MEGF10: variants seen among roughly 807,000 people sequenced by gnomAD.
MEGF10 encodes the protein multiple epidermal growth factor-like domains protein 10.
A neutral mutation model predicts 147.5 loss-of-function variants in MEGF10; 86 were observed. That is an observed-to-expected ratio of 0.58 (90% confidence interval 0.49 to 0.70). MEGF10 has a LOEUF of 0.70. Among genes scored for constraint, MEGF10 ranks in the 30% least tolerant of loss-of-function variants. MEGF10 has a pLI of 0.00. For synonymous variants in MEGF10, 478 were observed against 525.5 expected (o/e 0.91, Z 1.24); for missense variants, 1,329 against 1,487.3 (o/e 0.89, Z 1.75).
At chr5:127,353,719 T>C (rs1208117677) in intron 4 of MEGF10, among the ~76,000 whole-genome samples, 1 of 150,736 alleles carries the variant, frequency 6.6e-6, no homozygotes, top group Non-Finnish European at 1.5e-5. Flanking sequence ...GATGATTATT[T>C]TCTTTGGGGT....
Position 127,417,646 on chromosome 5 carries a change from C to T in MEGF10, c.1139C>T (p.Pro380Leu), listed in dbSNP as rs762994422. The change falls in exon 10 of 25, where the codon CCC (proline) becomes CTC (leucine). Residue 380 changes from proline to leucine, a missense_variant. By Grantham distance (98) the Pro-to-Leu change is moderately conservative (BLOSUM62 -3). Coordinates refer to ENST00000503335, the MANE Select transcript of MEGF10 (RefSeq NM_001256545.2). ...TCATCCATGTCTCTCAGCTGTCACCCCATGTCTGGAGAGTGTGCCTGCAAG... is the reference window on the plus strand; with the variant it reads ...TCATCCATGTCTCTCAGCTGTCACCTCATGTCTGGAGAGTGTGCCTGCAAG... Reference protein sequence around the residue: ...CHLENTHSCHPMSGECACKPG... With the variant: ...CHLENTHSCHLMSGECACKPG... 1 of 1,614,162 alleles carries T rather than the reference C, an allele frequency of 6.2e-7. No homozygotes were observed. The highest frequency in any genetic ancestry group is 8.5e-7 in the Non-Finnish European group (1 of 1,180,014).
Position 127,457,424 on chromosome 5 carries a change from T to C in MEGF10, c.*106T>C. ...TTCATGTGAATGTTAGTCAATTCGGTGGGCAATTTTTGGACATGAACCAGA... is the reference window on the plus strand; with the variant it reads ...TTCATGTGAATGTTAGTCAATTCGGCGGGCAATTTTTGGACATGAACCAGA... On this transcript the variant is annotated 3_prime_UTR_variant, in exon 25 of 25. Coordinates refer to ENST00000503335, the MANE Select transcript of MEGF10 (RefSeq NM_001256545.2). 1.6e-6 allele frequency: 2 copies of C among 1,280,940 alleles called. No individual in the cohort carries two copies. The highest frequency in any genetic ancestry group is 2.1e-6 in the Non-Finnish European group (2 of 952,842). 79.3% of individuals were successfully genotyped at this position (1,280,940 alleles called of 1,614,324 possible). A position where few individuals can be genotyped will look rare whatever the true frequency, so the allele number is the denominator to read the frequency against.
At chr5:127,312,947 C>T (rs1246078700) in intron 1 of MEGF10, among the ~76,000 whole-genome samples, 1 of 152,090 alleles carries the variant, frequency 6.6e-6, no homozygotes, top group Non-Finnish European at 1.5e-5. Flanking sequence ...TTGATTGTGG[C>T]AGTTTCTAAG....
chr5:127,351,711 A>G (rs1238158518), intron 4 of MEGF10, among the ~76,000 whole-genome samples: 1 of 152,202 alleles, frequency 6.6e-6, no homozygotes, highest in Non-Finnish European at 1.5e-5. Context: ...TCGCCAAGCT[A>G]CAAGGGCATC....
intron 14 of MEGF10, 36 bp downstream of exon 14, chr5:127,433,545 CT>C (rs750335518): frequency 6.4e-7 from 1 of 1,560,662 alleles, no homozygotes; most frequent in Non-Finnish European, 8.7e-7. Flanking sequence ...TCCACCTTCC[CT>C]TCCCTGGGCA....
At chr5:127,235,854 C>G in the MEGF10 span, among the ~76,000 whole-genome samples, 1 of 152,164 alleles carries the variant, frequency 6.6e-6, no homozygotes, top group African/African-American at 2.4e-5. Flanking sequence ...GATGCTTGCA[C>G]TTAATTTTAT....
At chr5:127,385,110 T>C (rs890829866) in intron 5 of MEGF10, among the ~76,000 whole-genome samples, 2 of 152,214 alleles carry the variant, frequency 1.3e-5, no homozygotes, top group Non-Finnish European at 2.9e-5. Context: ...TTCTTGAAAG[T>C]GACTTATTTG....
At chr5:127,385,024 G>A (rs908626106) in intron 5 of MEGF10, among the ~76,000 whole-genome samples, 20 of 152,132 alleles carry the variant, frequency 1.3e-4, no homozygotes, top group Admixed American at 2.0e-4. Flanking sequence ...GTTTCAGGAA[G>A]AACCATGTTT....
intron 4 of MEGF10, among the ~76,000 whole-genome samples, chr5:127,344,704 CT>C (rs778289628): frequency 2.0e-5 from 3 of 152,060 alleles, no homozygotes; most frequent in Non-Finnish European, 4.4e-5. Flanking sequence ...AATTCCATCT[CT>C]CTTTTTAAGG....
At chr5:127,255,063 T>C in the MEGF10 span, among the ~76,000 whole-genome samples, 2 of 151,516 alleles carry the variant, frequency 1.3e-5, no homozygotes, top group Non-Finnish European at 1.5e-5. Context: ...GTGCTGTTGA[T>C]TGGTTGGGGA....
intron 13 of MEGF10, among the ~76,000 whole-genome samples, chr5:127,431,683 C>T (rs1478201589): frequency 6.6e-6 from 1 of 152,176 alleles, no homozygotes; most frequent in Non-Finnish European, 1.5e-5. Flanking sequence ...TGTTGTTAAG[C>T]AGGAGTCTTG....
upstream of MEGF10, among the ~76,000 whole-genome samples, chr5:127,289,478 C>A (rs924370499): frequency 1.3e-5 from 2 of 152,160 alleles, no homozygotes; most frequent in Non-Finnish European, 2.9e-5. Context: ...AAAGCTGGAC[C>A]ATCCTGACTG....
chr5:127,447,460 A>G (rs1386988501), intron 20 of MEGF10, 97 bp from the exon 21 acceptor site: 1 of 1,539,300 alleles, frequency 6.5e-7, no homozygotes, highest in African/African-American at 1.4e-5. Flanking sequence ...TACAGGCGTG[A>G]GCCACCTCGC....
intron 4 of MEGF10, among the ~76,000 whole-genome samples, chr5:127,361,446 G>A (rs35527): frequency 0.62 from 94,603 of 151,638 alleles, 29,802 homozygotes; most frequent in Middle Eastern, 0.76. Context: ...AAGTTGATCC[G>A]TTTTGCTGAT....
intron 1 of MEGF10, among the ~76,000 whole-genome samples, chr5:127,301,369 T>C (rs766208391): frequency 1.3e-5 from 2 of 152,128 alleles, no homozygotes; most frequent in African/African-American, 2.4e-5. Flanking sequence ...GTTGGTAGAC[T>C]GAAATGGAGA....
the MEGF10 span, among the ~76,000 whole-genome samples, chr5:127,246,438 A>G: frequency 6.6e-6 from 1 of 151,988 alleles, no homozygotes; most frequent in African/African-American, 2.4e-5. Context: ...GGAACATCAC[A>G]CACCAGGGCC....
chr5:127,403,999 T>G (rs1764229322), intron 8 of MEGF10, among the ~76,000 whole-genome samples: 1 of 152,098 alleles, frequency 6.6e-6, no homozygotes. Flanking sequence ...CAATTTTTAG[T>G]TTTTTGAGGA....
chr5:127,440,408 G>T (rs1052496237), intron 17 of MEGF10, among the ~76,000 whole-genome samples: 6 of 152,148 alleles, frequency 3.9e-5, no homozygotes, highest in African/African-American at 1.4e-4. Flanking sequence ...GTAGAAATGT[G>T]AAAGAATGAA....
At chr5:127,380,851 C>T (rs1195689489) in intron 5 of MEGF10, among the ~76,000 whole-genome samples, 2 of 152,074 alleles carry the variant, frequency 1.3e-5, no homozygotes, top group African/African-American at 4.8e-5. Context: ...GCAGAAGATC[C>T]CCTGGCCATA....
Sources: gnomAD v4.1 joint callset for allele counts (sites outside exome capture counted in the v4.1 genomes callset) on GRCh38, gnomAD v4.1.1 for gene constraint, MANE v1.5 for transcripts, NCBI Gene and HGNC (gene_info 2026-07-23, HGNC 2026-07-21) for gene names.